ZNF385B: variants seen among roughly 807,000 people sequenced by gnomAD.
The protein encoded by ZNF385B is zinc finger protein 533.
Under a neutral mutation model 39.2 loss-of-function variants are expected in ZNF385B, and 23 were observed. That is an observed-to-expected ratio of 0.59 (90% confidence interval 0.42 to 0.83). The LOEUF (loss-of-function observed/expected upper bound fraction) is 0.83. ZNF385B is among the 40% of genes least tolerant of loss of function. The pLI is 0.00. For missense variants in ZNF385B, 552 were observed against 598.9 expected, an observed-to-expected ratio of 0.92 and a Z score of 0.82; for synonymous variants, 205 against 222.6, an observed-to-expected ratio of 0.92 and a Z score of 0.70.
rs915960468 is a variant in ZNF385B at position 179,442,410 on chromosome 2, G to A, written c.*840C>T. 14 of 152,690 alleles carry A rather than the reference G, an allele frequency of 9.2e-5. No individual in the cohort carries two copies. The highest frequency in any genetic ancestry group is 2.9e-4 in the African/African-American group (12 of 41,544). The allele number at this position is 152,690 out of a possible 1,614,324, so 9.5% of individuals were successfully genotyped here. On this transcript the variant is annotated 3_prime_UTR_variant, in exon 10 of 10. Transcript: ENST00000410066. ...GGAAGCTCTTTTTCTGTTTGTATAC[G>A]TTTGCTTAGCAACACAAACCAGTGA...
intron 3 of ZNF385B, among the ~76,000 whole-genome samples, chr2:179,607,933 G>C (rs1251675022): frequency 2.0e-5 from 2 of 98,814 alleles, no homozygotes; most frequent in South Asian, 3.2e-4. Context: ...TTTTTTTTGA[G>C]ATGGGAGTTT....
chr2:179,818,194 G>T (rs1376545585), intron 1 of ZNF385B, among the ~76,000 whole-genome samples: 1 of 152,156 alleles, frequency 6.6e-6, no homozygotes, highest in African/African-American at 2.4e-5. Context: ...ATCCTATGTG[G>T]TAGGAGAGAT....
At chr2:179,748,636 T>C (rs571122660) in intron 3 of ZNF385B, among the ~76,000 whole-genome samples, 44 of 152,284 alleles carry the variant, frequency 2.9e-4, no homozygotes, top group Non-Finnish European at 4.7e-4. Flanking sequence ...AGTAGCAATA[T>C]TTTCTGCCAT....
At chr2:179,829,655 A>C (rs1707870250) in intron 1 of ZNF385B, among the ~76,000 whole-genome samples, 1 of 152,076 alleles carries the variant, frequency 6.6e-6, no homozygotes, top group Non-Finnish European at 1.5e-5. Context: ...CTGGGACTAC[A>C]GGCGCCCGCC....
At chr2:179,653,912 C>T (rs1306672310) in intron 3 of ZNF385B, among the ~76,000 whole-genome samples, 5 of 152,126 alleles carry the variant, frequency 3.3e-5, no homozygotes, top group Non-Finnish European at 7.4e-5. Flanking sequence ...CAATGTTTCT[C>T]CAAATTATTT....
chr2:179,520,587 A>G (rs1426568172), intron 4 of ZNF385B, among the ~76,000 whole-genome samples: 1 of 152,226 alleles, frequency 6.6e-6, no homozygotes, highest in Non-Finnish European at 1.5e-5. Flanking sequence ...TCTGACAGTT[A>G]CCAGACATGG....
intron 4 of ZNF385B, among the ~76,000 whole-genome samples, chr2:179,544,374 G>A (rs1019795651): frequency 5.3e-5 from 8 of 151,864 alleles, no homozygotes; most frequent in African/African-American, 9.7e-5. Flanking sequence ...TAGAAATTTT[G>A]TTTGTGTAGG....
At chr2:179,603,552 A>G (rs1178343899) in intron 3 of ZNF385B, among the ~76,000 whole-genome samples, 2 of 152,204 alleles carry the variant, frequency 1.3e-5, no homozygotes, top group African/African-American at 2.4e-5. Context: ...TCAGTGTATC[A>G]TGGTGGAGAC....
At chr2:179,741,793 G>C (rs1702104816) in intron 3 of ZNF385B, among the ~76,000 whole-genome samples, 1 of 151,940 alleles carries the variant, frequency 6.6e-6, no homozygotes, top group African/African-American at 2.4e-5. Context: ...ATAATTAAAG[G>C]ATTCCAAAGA....
At chr2:179,457,695 A>G (rs1404577742) in intron 6 of ZNF385B, among the ~76,000 whole-genome samples, 1 of 152,046 alleles carries the variant, frequency 6.6e-6, no homozygotes, top group Non-Finnish European at 1.5e-5. Context: ...GCGTTTGTTC[A>G]TATCTTTAGC....
intron 6 of ZNF385B, among the ~76,000 whole-genome samples, chr2:179,464,064 C>T (rs1336604874): frequency 6.6e-6 from 1 of 152,184 alleles, no homozygotes; most frequent in Non-Finnish European, 1.5e-5. Flanking sequence ...GAGATGGTAT[C>T]TCACTGTGGT....
chr2:179,541,727 G>T (rs550085738), intron 4 of ZNF385B, among the ~76,000 whole-genome samples: 50 of 152,162 alleles, frequency 3.3e-4, no homozygotes, highest in Non-Finnish European at 4.6e-4. Context: ...TGTTTGTAGA[G>T]GTCTATTATA....
At chr2:179,479,842 A>AAAAT (rs1326658695) in intron 6 of ZNF385B, among the ~76,000 whole-genome samples, 2 of 152,124 alleles carry the variant, frequency 1.3e-5, no homozygotes, top group Admixed American at 1.3e-4. Context: ...CTGTCTCAAA[A>AAAAT]AAATAAATAA....
chr2:179,826,012 T>C (rs1707663149), intron 1 of ZNF385B, among the ~76,000 whole-genome samples: 1 of 152,186 alleles, frequency 6.6e-6, no homozygotes, highest in Non-Finnish European at 1.5e-5. Flanking sequence ...GGTATTCTCC[T>C]TTTTAACACC....
At chr2:179,655,173 C>G (rs1693613941) in intron 3 of ZNF385B, among the ~76,000 whole-genome samples, 1 of 152,138 alleles carries the variant, frequency 6.6e-6, no homozygotes, top group South Asian at 2.1e-4. Context: ...ACAGTATTCT[C>G]TTAACCCTGC....
At chr2:179,854,215 C>G (rs1684402151) in intron 1 of ZNF385B, among the ~76,000 whole-genome samples, 1 of 152,154 alleles carries the variant, frequency 6.6e-6, no homozygotes, top group African/African-American at 2.4e-5. Flanking sequence ...ACAGGGTCTA[C>G]ACCATTTCTC....
At chr2:179,628,207 T>C (rs1323168296) in intron 3 of ZNF385B, among the ~76,000 whole-genome samples, 1 of 152,210 alleles carries the variant, frequency 6.6e-6, no homozygotes. Context: ...TATCTAATAA[T>C]TGGTCCATAT....
intron 3 of ZNF385B, among the ~76,000 whole-genome samples, chr2:179,753,687 T>C (rs559704054): frequency 1.3e-5 from 2 of 152,326 alleles, no homozygotes; most frequent in African/African-American, 4.8e-5. Flanking sequence ...AATTTTATTT[T>C]CTTTGAAGCA....
intron 3 of ZNF385B, among the ~76,000 whole-genome samples, chr2:179,758,837 G>A (rs777161668): frequency 6.6e-6 from 1 of 152,148 alleles, no homozygotes; most frequent in Non-Finnish European, 1.5e-5. Context: ...GTGCACCAAT[G>A]AGTCCGGCAC....
Sources: allele counts gnomAD v4.1 joint callset (sites outside exome capture counted in the v4.1 genomes callset), GRCh38; gene constraint gnomAD v4.1.1; transcripts MANE v1.5; gene names NCBI Gene and HGNC (gene_info 2026-07-23, HGNC 2026-07-21).